The following NMRK1 variants were observed in gnomAD, a reference collection of about 807,000 sequenced individuals.
NMRK1 encodes NRK 1.
In NMRK1, 28 loss-of-function variants were observed where a neutral mutation model predicts 29.9. The ratio of observed to expected loss-of-function variants is 0.94; its 90% CI spans 0.69 to 1.28. The LOEUF is 1.28. Among genes scored for constraint, NMRK1 ranks in the 50% most tolerant of loss-of-function variants. The pLI is 0.00. For missense variants in NMRK1, 218 were observed against 233.1 expected (o/e 0.94, Z 0.42); for synonymous variants, 58 against 73.0 (o/e 0.79, Z 1.05).
intron 4 of NMRK1, among the ~76,000 whole-genome samples, chr9:75,075,078 C>T (rs138328504): frequency 7.2e-4 from 110 of 152,250 alleles, no homozygotes; most frequent in Non-Finnish European, 9.9e-4. Context: ...TCTTCGTTTA[C>T]TTGGTAAGTG....
intron 2 of NMRK1, chr9:75,082,839 T>G (rs993045343): frequency 7.8e-6 from 4 of 509,702 alleles, no homozygotes; most frequent in African/African-American, 7.8e-5. Context: ...TGGTGTTAGC[T>G]CCACAAAATA....
chr9:75,069,212 G>C, intron 6 of NMRK1, 110 bp from the exon 7 acceptor site: 1 of 731,056 alleles, frequency 1.4e-6, no homozygotes, highest in Non-Finnish European at 2.4e-6. Flanking sequence ...ATCTAAACAG[G>C]ATTAGGACTA....
intron 1 of NMRK1, among the ~76,000 whole-genome samples, chr9:75,086,905 T>TG (rs905092078): frequency 2.4e-5 from 3 of 123,202 alleles, no homozygotes; most frequent in African/African-American, 8.8e-5. Context: ...CCCTCAAGGC[T>TG]GGGTTTTTTT....
chr9:75,074,264 A>C (rs111484013), intron 4 of NMRK1, among the ~76,000 whole-genome samples: 5,267 of 152,204 alleles, frequency 0.035, 121 homozygotes, highest in African/African-American at 0.06. Flanking sequence ...TTGGCTTAAA[A>C]AAAAAAATAC....
chr9:75,063,086 G>A (rs932537929), intron 8 of NMRK1, among the ~76,000 whole-genome samples: 4 of 151,298 alleles, frequency 2.6e-5, no homozygotes, highest in African/African-American at 4.9e-5. Flanking sequence ...CGAGGCGGGC[G>A]GAGGTCAGGA....
intron 8 of NMRK1, among the ~76,000 whole-genome samples, chr9:75,062,796 C>T (rs1289248005): frequency 6.6e-6 from 1 of 152,180 alleles, no homozygotes; most frequent in African/African-American, 2.4e-5. Context: ...CTATGGGAGG[C>T]CAAGGCAGAC....
chr9:75,066,537 G>A (rs535659726), intron 8 of NMRK1, among the ~76,000 whole-genome samples: 1 of 152,240 alleles, frequency 6.6e-6, no homozygotes, highest in South Asian at 2.1e-4. Flanking sequence ...ATTAAGAGAT[G>A]TAACAAAGGG....
At chr9:75,081,442 T>A (rs75447440) in intron 2 of NMRK1, among the ~76,000 whole-genome samples, 18,758 of 152,112 alleles carry the variant, frequency 0.12, 1,177 homozygotes, top group South Asian at 0.17. Flanking sequence ...AGAAAAAAAT[T>A]AGAAATCATG....
chr9:75,065,259 C>T (rs2002989), intron 8 of NMRK1, among the ~76,000 whole-genome samples: 20,977 of 152,018 alleles, frequency 0.14, 1,813 homozygotes, highest in Non-Finnish European at 0.19. Flanking sequence ...AATGTCTGCC[C>T]CCGGAGTTCA....
chr9:75,072,531 A>G (rs1823757487), intron 4 of NMRK1, among the ~76,000 whole-genome samples: 1 of 152,232 alleles, frequency 6.6e-6, no homozygotes, highest in African/African-American at 2.4e-5. Context: ...CTTCAAAACA[A>G]TATAGGTGAA....
intron 1 of NMRK1, 22 bp from the exon 2 acceptor site, chr9:75,083,172 A>G: frequency 8.1e-7 from 1 of 1,241,926 alleles, no homozygotes; most frequent in Non-Finnish European, 1.2e-6. Context: ...AAAACAAACA[A>G]ACAAATCAAA....
intron 3 of NMRK1, 92 bp downstream of exon 3, chr9:75,077,398 C>A: frequency 9.7e-7 from 1 of 1,034,264 alleles, no homozygotes; most frequent in South Asian, 1.4e-5. Context: ...AAACGTAAAT[C>A]TCTAGCCAAA....
In NMRK1 at chr9:75,062,238, C is replaced by T. The variant is rs193265161; in HGVS notation, c.581-671G>A. On this transcript the variant is annotated intron_variant, in intron 8 of 8. Coordinates refer to ENST00000361092, the MANE Select transcript of NMRK1 (RefSeq NM_017881.3). ...AAACACTTGTAACAACAGTAAATAT[C>T]CAACAATTGGGAAATGGTTAAGTGA... is the stretch of plus-strand genomic sequence containing the variant. Among the ~76,000 whole-genome samples the T allele has an allele frequency of 8.7e-4, 133 of 152,176 alleles. 2 individuals are homozygous for T. Among genetic ancestry groups the T allele is most frequent in the Middle Eastern group, 3.4e-3 (1 of 294 alleles).
chr9:75,074,400 A>T (rs10869494), intron 4 of NMRK1, among the ~76,000 whole-genome samples: 111,000 of 150,980 alleles, frequency 0.74, 41,574 homozygotes, highest in African/African-American at 0.88. Context: ...TTATTTATTT[A>T]TTTTTTTGAG....
At chr9:75,076,731 A>G (rs1020438459) in intron 4 of NMRK1, among the ~76,000 whole-genome samples, 1 of 152,146 alleles carries the variant, frequency 6.6e-6, no homozygotes, top group African/African-American at 2.4e-5. Context: ...CTGTGACTAC[A>G]GGCATGCACC....
chr9:75,086,744 A>G (rs982698908), intron 1 of NMRK1, among the ~76,000 whole-genome samples: 3 of 152,210 alleles, frequency 2.0e-5, no homozygotes, highest in East Asian at 1.9e-4. Context: ...ATGTATCTAC[A>G]GGACAGTCTG....
chr9:75,067,398 T>G (rs769534554), intron 7 of NMRK1, among the ~76,000 whole-genome samples: 1 of 152,000 alleles, frequency 6.6e-6, no homozygotes, highest in Admixed American at 6.6e-5. Context: ...AAAACTGGCA[T>G]AAGCAGCTTT....
chr9:75,079,477 G>A lies in NMRK1; in HGVS notation c.30-1897C>T, dbSNP rs185987113. ...TTAGACTTATCTCTGTTAAGATCACGCAGTCAAACCAACAGTAGTAATTAG... is the reference window on the plus strand; with the variant it reads ...TTAGACTTATCTCTGTTAAGATCACACAGTCAAACCAACAGTAGTAATTAG... On this transcript the variant is annotated intron_variant, in intron 2 of 8. Coordinates refer to ENST00000361092, the MANE Select transcript of NMRK1 (RefSeq NM_017881.3). Among the ~76,000 whole-genome samples, 8 of 152,296 alleles carry A rather than the reference G, an allele frequency of 5.3e-5. No homozygotes were observed. The East Asian group carries it at 7.7e-4, about 15-fold the overall frequency.
chr9:75,061,511 C>T lies in NMRK1; in HGVS notation c.*37G>A. 1 of 1,572,478 alleles carries T rather than the reference C, an allele frequency of 6.4e-7. No individual in the cohort carries two copies. Among genetic ancestry groups the T allele is most frequent in the Non-Finnish European group, 8.7e-7 (1 of 1,145,920 alleles). Reference sequence around the variant, plus strand: ...TTCTTAAATTACTCCTTGGAGTTTCCTAATTCACTTCAGGAAGGATTTGTT... The same window carrying T: ...TTCTTAAATTACTCCTTGGAGTTTCTTAATTCACTTCAGGAAGGATTTGTT... On this transcript the variant is annotated 3_prime_UTR_variant, in exon 9 of 9. Coordinates refer to ENST00000361092, the MANE Select transcript of NMRK1 (RefSeq NM_017881.3).
Sources: allele counts gnomAD v4.1 joint callset (sites outside exome capture counted in the v4.1 genomes callset), GRCh38; gene constraint gnomAD v4.1.1; transcripts MANE v1.5; gene names NCBI Gene and HGNC (gene_info 2026-07-23, HGNC 2026-07-21).